The following ZNF333 variants were observed in gnomAD, a reference collection of about 807,000 sequenced individuals.
ZNF333 encodes the protein zinc finger protein 333.
In ZNF333, 61 loss-of-function variants were observed where a neutral mutation model predicts 76.1. That is an observed-to-expected ratio of 0.80 (90% confidence interval 0.65 to 0.99). ZNF333 has a LOEUF of 0.99. Among genes scored for constraint, ZNF333 ranks in the 50% least tolerant of loss-of-function variants. ZNF333 has a pLI of 0.00. For synonymous variants in ZNF333, 284 were observed against 305.0 expected, an observed-to-expected ratio of 0.93 and a Z score of 0.72; for missense variants, 717 against 822.4, an observed-to-expected ratio of 0.87 and a Z score of 1.57.
chr19:14,727,024 C>CTTTTTTT (rs33936016), intron 11 of ZNF333, among the ~76,000 whole-genome samples: 9 of 70,096 alleles, frequency 1.3e-4, no homozygotes, highest in Non-Finnish European at 2.0e-4. Context: ...AGAAAAGAGG[C>CTTTTTTT]TTTTTTTTTT....
At position 14,719,329 on chromosome 19, in the gene ZNF333, C is replaced by A. The variant is rs771277096; in HGVS notation, c.*4C>A. The A allele has an allele frequency of 6.3e-7, 1 of 1,590,522 alleles. No individual in the cohort carries two copies. Among genetic ancestry groups the A allele is most frequent in the African/African-American group, 1.4e-5 (1 of 73,822 alleles). On this transcript the variant is annotated 3_prime_UTR_variant, in exon 12 of 12. Transcript: ENST00000292530. Reference sequence around the variant, plus strand: ...CTGTGGGCCCCTTGCTAATTAACTTCCATTTTGTAAAAATATAAACACATG... The same window carrying A: ...CTGTGGGCCCCTTGCTAATTAACTTACATTTTGTAAAAATATAAACACATG...
chr19:14,726,839 C>T (rs2042635674), downstream of ZNF333, among the ~76,000 whole-genome samples: 1 of 152,140 alleles, frequency 6.6e-6, no homozygotes, highest in African/African-American at 2.4e-5. Flanking sequence ...TTTAACCAGT[C>T]TCCAAGAAGT....
In ZNF333 at chr19:14,719,585, G is replaced by A; in HGVS notation, c.*260G>A. On this transcript the variant is annotated 3_prime_UTR_variant, in exon 12 of 12. Transcript: ENST00000292530. ...ACATCTGAAGTGTACAGTTGGATGA[G>A]TTTGACAGATGCATACATGCATGTA... The A allele has an allele frequency of 3.5e-6, 4 of 1,126,804 alleles. No individual in the cohort carries two copies. The highest frequency in any genetic ancestry group is 4.5e-6 in the Non-Finnish European group (4 of 888,292). The allele number at this position is 1,126,804 out of a possible 1,614,324, so 69.8% of individuals were successfully genotyped here. A position where few individuals can be genotyped will look rare whatever the true frequency, so the allele number is the denominator to read the frequency against.
chr19:14,704,163 A>G (rs1290297216), intron 5 of ZNF333, among the ~76,000 whole-genome samples: 1 of 151,812 alleles, frequency 6.6e-6, no homozygotes, highest in Non-Finnish European at 1.5e-5. Context: ...GCTCTGTCCT[A>G]ACCTCAGGTC....
chr19:14,723,279 A>G (rs981176045), downstream of ZNF333, among the ~76,000 whole-genome samples: 7 of 152,166 alleles, frequency 4.6e-5, no homozygotes, highest in Non-Finnish European at 7.3e-5. Context: ...CCATTGGTCT[A>G]TATGTCTTAT....
intron 11 of ZNF333, among the ~76,000 whole-genome samples, chr19:14,730,469 ACTTTTTTCTTTT>A (rs1599767320): frequency 7.0e-6 from 1 of 143,202 alleles, no homozygotes; most frequent in Admixed American, 6.9e-5. Flanking sequence ...TCTTTCTTTC[ACTTTTTTCTTTT>A]TCTTTCTTTG....
intron 7 of ZNF333, among the ~76,000 whole-genome samples, chr19:14,713,227 G>A (rs2042328781): frequency 6.6e-6 from 1 of 152,198 alleles, no homozygotes; most frequent in Non-Finnish European, 1.5e-5. Context: ...GCAAAGGATA[G>A]ACATTCCCAT....
At chr19:14,727,445 G>A (rs995089501) in intron 11 of ZNF333, among the ~76,000 whole-genome samples, 1 of 152,146 alleles carries the variant, frequency 6.6e-6, no homozygotes, top group African/African-American at 2.4e-5. Context: ...AAAGCAAAGC[G>A]GGAGCAGGCA....
chr19:14,710,461 C>T (rs970753319), intron 7 of ZNF333, among the ~76,000 whole-genome samples: 7 of 152,130 alleles, frequency 4.6e-5, no homozygotes, highest in Non-Finnish European at 8.8e-5. Flanking sequence ...GATTTATTAC[C>T]AGAAGTGGAT....
chr19:14,718,682 G>A lies in ZNF333; in HGVS notation c.1355G>A (p.Cys452Tyr). 6.2e-7 allele frequency: 1 copy of A among 1,614,066 alleles called. No individual in the cohort carries two copies. The highest frequency in any genetic ancestry group is 8.5e-7 in the Non-Finnish European group (1 of 1,180,040). ...RNHTGEKPYE[C>Y]KDCGKAFNQP... is the part of the protein sequence containing the mutation. ...CACACAGGAGAGAAGCCCTACGAGT[G>A]TAAAGATTGTGGGAAAGCCTTCAAT... The change falls in exon 12 of 12, where the codon TGT becomes TAT. Residue 452 changes from cysteine to tyrosine, a missense_variant. Coordinates refer to ENST00000292530, the MANE Select transcript of ZNF333 (RefSeq NM_032433.4).
At chr19:14,727,320 G>GCA (rs2042640283) in intron 11 of ZNF333, among the ~76,000 whole-genome samples, 2 of 152,080 alleles carry the variant, frequency 1.3e-5, no homozygotes, top group Non-Finnish European at 2.9e-5. Flanking sequence ...GAGCCACCAA[G>GCA]CCCGGCCCAA....
chr19:14,694,062 C>T lies in ZNF333; in HGVS notation c.3+568C>T, dbSNP rs189939583. Among the ~76,000 whole-genome samples the T allele has an allele frequency of 2.0e-5, 3 of 151,822 alleles. No homozygotes were observed. The East Asian group carries it at 5.8e-4, about 29-fold the overall frequency. On this transcript the variant is annotated intron_variant, in intron 2 of 11. Coordinates refer to ENST00000292530, the MANE Select transcript of ZNF333 (RefSeq NM_032433.4). ...GCCCCAGTCACATTGCCCAAGTGCT[C>T]AACAGCCACATGTGCTGGTAGCCCC...
intron 7 of ZNF333, chr19:14,715,091 C>G (rs142160633): frequency 6.5e-6 from 2 of 307,104 alleles, no homozygotes; most frequent in Non-Finnish European, 1.3e-5. Context: ...GTGTGCTGGT[C>G]TGTGTGTATA....
At chr19:14,691,483 G>C (rs1972768737) in intron 1 of ZNF333, among the ~76,000 whole-genome samples, 1 of 152,052 alleles carries the variant, frequency 6.6e-6, no homozygotes, top group Non-Finnish European at 1.5e-5. Flanking sequence ...TAACTCCAGA[G>C]GAAAATCATG....
At chr19:14,692,421 C>T (rs1972841471) in intron 1 of ZNF333, among the ~76,000 whole-genome samples, 1 of 152,108 alleles carries the variant, frequency 6.6e-6, no homozygotes, top group Non-Finnish European at 1.5e-5. Flanking sequence ...GTAGAGAAAG[C>T]TAAAGTAGAG....
chr19:14,695,686 C>G (rs201196182), intron 4 of ZNF333, 25 bp downstream of exon 4: 27 of 1,604,930 alleles, frequency 1.7e-5, no homozygotes, highest in Non-Finnish European at 2.3e-5. Flanking sequence ...GGCTGTGGAT[C>G]CCCCGACCCC....
rs563767397 is a variant in ZNF333, at chr19:14,716,122, C to T, written c.611C>T (p.Thr204Ile). ...LPTACSQEPVTFADVAVVFTP... is the reference protein window; with the variant it reads ...LPTACSQEPVIFADVAVVFTP... ...GGATGTGTGTTTTAGGAACCAGTCA[C>T]CTTTGCAGATGTGGCTGTGGTGTTC... The change falls in exon 9 of 12, where the codon ACC (threonine) becomes ATC (isoleucine). Residue 204 changes from threonine to isoleucine, a missense_variant. Physicochemically the swap from Thr to Ile is moderately conservative, Grantham distance 89 (BLOSUM62 -1). Coordinates refer to ENST00000292530, the MANE Select transcript of ZNF333 (RefSeq NM_032433.4). 8.1e-6 allele frequency: 13 copies of T among 1,614,086 alleles called. No individual in the cohort carries two copies. The highest frequency in any genetic ancestry group is 7.7e-5 in the South Asian group (7 of 91,084).
intron 3 of ZNF333, 116 bp from the exon 4 acceptor site, chr19:14,695,450 C>G (rs1486439807): frequency 4.8e-6 from 5 of 1,037,776 alleles, no homozygotes; most frequent in Non-Finnish European, 7.3e-6. Context: ...CTTGCTCAGC[C>G]CAGAGAATCT....
At chr19:14,710,878 G>C (rs1272715616) in intron 7 of ZNF333, among the ~76,000 whole-genome samples, 1 of 152,094 alleles carries the variant, frequency 6.6e-6, no homozygotes, top group Non-Finnish European at 1.5e-5. Flanking sequence ...TGCTCCTGGC[G>C]AGGGCCTCAG....
Sources: allele counts gnomAD v4.1 joint callset (sites outside exome capture counted in the v4.1 genomes callset), GRCh38; gene constraint gnomAD v4.1.1; transcripts MANE v1.5; gene names NCBI Gene and HGNC (gene_info 2026-07-23, HGNC 2026-07-21).